JAKMIP2: variants seen among roughly 807,000 people sequenced by gnomAD.
The protein encoded by JAKMIP2 is janus kinase and microtubule-interacting protein 2.
JAKMIP2 carries 25 observed loss-of-function variants against 115.0 expected under a neutral mutation model. That is an observed-to-expected ratio of 0.22 (90% CI 0.16 to 0.30). The LOEUF (loss-of-function observed/expected upper bound fraction) is 0.30, where lower values mean the gene tolerates loss of function less well. JAKMIP2 is among the 10% of genes least tolerant of loss of function. The probability of loss-of-function intolerance (pLI) is 1.00; values close to 1 mark genes in which losing one functional copy is unlikely to be tolerated. For missense variants in JAKMIP2, 642 were observed against 957.6 expected, an observed-to-expected ratio of 0.67 and a Z score of 4.35; for synonymous variants, 334 against 343.6, an observed-to-expected ratio of 0.97 and a Z score of 0.31.
chr5:147,602,233 A>G (rs1051215393), intron 20 of JAKMIP2, among the ~76,000 whole-genome samples: 1 of 152,224 alleles, frequency 6.6e-6, no homozygotes, highest in South Asian at 2.1e-4. Context: ...CGATCAGAAC[A>G]TACACTTAAT....
intron 1 of JAKMIP2, among the ~76,000 whole-genome samples, chr5:147,762,283 AT>A (rs1011068209): frequency 7.2e-5 from 11 of 151,972 alleles, no homozygotes; most frequent in Non-Finnish European, 1.2e-4. Flanking sequence ...GCAAACCCTT[AT>A]TTTTTTATAG....
chr5:147,707,277 T>C (rs1311979773), intron 1 of JAKMIP2, among the ~76,000 whole-genome samples: 1 of 151,548 alleles, frequency 6.6e-6, no homozygotes, highest in African/African-American at 2.4e-5. Context: ...CTTCACCATA[T>C]CCACATGCCA....
At position 147,648,356 on chromosome 5, in the gene JAKMIP2, A is replaced by C. The variant is rs1327410609; in HGVS notation, c.936+20T>G. ...TAATGCTTAACAACAACATCAACAA[A>C]AATTTTTAGTATATCTCACCAGTTC... On this transcript the variant is annotated intron_variant, in intron 5 of 21. Coordinates refer to ENST00000616793, the MANE Select transcript of JAKMIP2 (RefSeq NM_001270941.2). 4 of 1,412,464 alleles carry C rather than the reference A, an allele frequency of 2.8e-6. No homozygotes were observed. In the South Asian group the frequency reaches 4.7e-5, roughly 16 times the overall value. 87.5% of individuals were successfully genotyped at this position (1,412,464 alleles called of 1,614,324 possible).
At chr5:147,759,279 A>AAAAAG (rs1441926890) in intron 1 of JAKMIP2, among the ~76,000 whole-genome samples, 1 of 152,086 alleles carries the variant, frequency 6.6e-6, no homozygotes, top group African/African-American at 2.4e-5. Context: ...AGCAGAGAGA[A>AAAAAG]AAAAGAAAAA....
chr5:147,699,954 T>A (rs1293816249), intron 1 of JAKMIP2, among the ~76,000 whole-genome samples: 1 of 152,244 alleles, frequency 6.6e-6, no homozygotes, highest in Non-Finnish European at 1.5e-5. Context: ...TCATCCTTCA[T>A]GGTGGTGTGT....
chr5:147,738,061 T>C (rs1753991437), intron 1 of JAKMIP2, among the ~76,000 whole-genome samples: 1 of 152,200 alleles, frequency 6.6e-6, no homozygotes, highest in African/African-American at 2.4e-5. Flanking sequence ...GAGCACACGT[T>C]TGAGAGACAG....
chr5:147,721,335 T>C (rs577368153), intron 1 of JAKMIP2, among the ~76,000 whole-genome samples: 15 of 152,326 alleles, frequency 9.8e-5, no homozygotes, highest in African/African-American at 2.9e-4. Context: ...AGGTGGAGCC[T>C]ACAGAGGCAG....
chr5:147,777,122 A>T (rs779965820), intron 1 of JAKMIP2, among the ~76,000 whole-genome samples: 1 of 152,164 alleles, frequency 6.6e-6, no homozygotes, highest in Non-Finnish European at 1.5e-5. Context: ...TTCAGACCTC[A>T]TTCATTATCA....
intron 20 of JAKMIP2, among the ~76,000 whole-genome samples, chr5:147,608,925 G>A (rs1756166731): frequency 6.6e-6 from 1 of 151,876 alleles, no homozygotes; most frequent in Admixed American, 6.6e-5. Flanking sequence ...TTACCATTAT[G>A]TAATGCCCTG....
At position 147,644,897 on chromosome 5, in the gene JAKMIP2, G is replaced by A. The variant is rs562097044; in HGVS notation, c.1036C>T (p.Arg346Cys). 9 of 1,612,830 alleles carry A rather than the reference G, an allele frequency of 5.6e-6. No individual in the cohort carries two copies. The Admixed American group carries it at 6.7e-5, about 12-fold the overall frequency. Residue 346 changes from arginine (R) to cysteine (C), a missense_variant, in exon 6 of 22, where the codon CGC (arginine) becomes TGC (cysteine). By Grantham distance (180) the Arg-to-Cys change is radical. Around this residue, in one of 6 missense-constraint regions of JAKMIP2, gnomAD observed 439 missense variants for 570.9 expected, o/e 0.77. Coordinates refer to ENST00000616793, the MANE Select transcript of JAKMIP2 (RefSeq NM_001270941.2). Reference protein sequence around the residue: ...RNDELMVSLQRMEEKLKAVTK... With the variant: ...RNDELMVSLQCMEEKLKAVTK... The stretch of plus-strand genomic sequence containing the variant: ...ACGGCTTTTAGTTTTTCTTCCATGC[G>A]CTGCAAGGACACCATCAGTTCATCG...
chr5:147,748,186 A>G (rs1232337224), intron 1 of JAKMIP2, among the ~76,000 whole-genome samples: 1 of 152,136 alleles, frequency 6.6e-6, no homozygotes, highest in Non-Finnish European at 1.5e-5. Flanking sequence ...TTGGATGTTT[A>G]TTGACATTCT....
intron 1 of JAKMIP2, among the ~76,000 whole-genome samples, chr5:147,701,867 A>G (rs1752338149): frequency 6.6e-6 from 1 of 152,184 alleles, no homozygotes; most frequent in Non-Finnish European, 1.5e-5. Flanking sequence ...CATCATTTAT[A>G]AATTACCCAG....
At chr5:147,764,383 A>C (rs994683035) in intron 1 of JAKMIP2, among the ~76,000 whole-genome samples, 2 of 150,944 alleles carry the variant, frequency 1.3e-5, no homozygotes, top group African/African-American at 4.9e-5. Flanking sequence ...GTGCTGGGCT[A>C]CTCTGCCAGT....
At chr5:147,740,997 A>C (rs570304229) in intron 1 of JAKMIP2, among the ~76,000 whole-genome samples, 1 of 152,226 alleles carries the variant, frequency 6.6e-6, no homozygotes, top group Admixed American at 6.5e-5. Flanking sequence ...CTAGACCACT[A>C]TCGCCTCATA....
At chr5:147,675,636 C>G (rs1230430640) in intron 1 of JAKMIP2, among the ~76,000 whole-genome samples, 1 of 152,084 alleles carries the variant, frequency 6.6e-6, no homozygotes, top group Non-Finnish European at 1.5e-5. Flanking sequence ...AAAAGAAACT[C>G]TATACCTGTT....
chr5:147,712,282 G>T (rs916114049), intron 1 of JAKMIP2, among the ~76,000 whole-genome samples: 4 of 151,786 alleles, frequency 2.6e-5, no homozygotes, highest in African/African-American at 9.7e-5. Flanking sequence ...ATGGGAGTTC[G>T]TCAGCCCAGG....
intron 1 of JAKMIP2, among the ~76,000 whole-genome samples, chr5:147,766,254 A>G (rs1214822780): frequency 6.6e-6 from 1 of 152,202 alleles, no homozygotes; most frequent in African/African-American, 2.4e-5. Flanking sequence ...TGGATTCAGA[A>G]GAGGATTTCT....
intron 1 of JAKMIP2, among the ~76,000 whole-genome samples, chr5:147,710,896 TA>T (rs1318731213): frequency 1.3e-5 from 2 of 152,174 alleles, no homozygotes; most frequent in Non-Finnish European, 2.9e-5. Flanking sequence ...GCATTCCAAG[TA>T]GTAAAGTGTC....
At chr5:147,712,602 C>T (rs1752824299) in intron 1 of JAKMIP2, among the ~76,000 whole-genome samples, 1 of 152,038 alleles carries the variant, frequency 6.6e-6, no homozygotes, top group Admixed American at 6.6e-5. Context: ...CTTCGTGTGG[C>T]TTTCACACAT....
Sources: gnomAD v4.1 joint callset for allele counts (sites outside exome capture counted in the v4.1 genomes callset) on GRCh38, gnomAD v4.1.1 for gene constraint, gnomAD v4.1.1 regional missense constraint, MANE v1.5 for transcripts, NCBI Gene and HGNC (gene_info 2026-07-23, HGNC 2026-07-21) for gene names.